Variants in ST18 observed in about 807,000 individuals in gnomAD.
ST18 encodes suppression of tumorigenicity 18 protein.
ST18 carries 50 observed loss-of-function variants against 110.0 expected under a neutral mutation model. The observed-to-expected ratio is 0.45, with a 90% CI of 0.36 to 0.58. The LOEUF (loss-of-function observed/expected upper bound fraction) is 0.58. Ranked by LOEUF, ST18 falls within the 20% of genes least tolerant of loss-of-function variation. ST18 has a pLI of 0.00. For synonymous variants in ST18, 461 were observed against 452.4 expected, an observed-to-expected ratio of 1.02 and a Z score of -0.24; for missense variants, 1,306 against 1,280.1, an observed-to-expected ratio of 1.02 and a Z score of -0.31.
In ST18 at chr8:52,276,816, G is replaced by C. The variant is rs537745548; in HGVS notation, c.-464-46739C>G. 1.5e-4 allele frequency among the ~76,000 whole-genome samples: 23 copies of C among 151,208 alleles called. No homozygotes were observed. In the East Asian group the frequency reaches 3.9e-3, roughly 26 times the overall value. On this transcript the variant is annotated intron_variant, in intron 2 of 25. Coordinates refer to ENST00000689386, the MANE Select transcript of ST18 (RefSeq NM_001352837.2). ...AGTTTTGCTCTTATCGTCCAGGCTG[G>C]AGTGCAGTGGTGCGATCTCGGCTCA...
At chr8:52,371,334 A>C (rs1333191083) in intron 2 of ST18, among the ~76,000 whole-genome samples, 1 of 152,258 alleles carries the variant, frequency 6.6e-6, no homozygotes, top group African/African-American at 2.4e-5. Flanking sequence ...AAAGTGGCCA[A>C]TAAATGGCAA....
chr8:52,224,876 C>T (rs953862046), intron 3 of ST18, among the ~76,000 whole-genome samples: 7 of 152,160 alleles, frequency 4.6e-5, no homozygotes, highest in African/African-American at 9.7e-5. Flanking sequence ...TTTCCATGGA[C>T]GAATTTAAAT....
At chr8:52,139,459 G>C (rs796948759) in intron 17 of ST18, among the ~76,000 whole-genome samples, 1 of 152,024 alleles carries the variant, frequency 6.6e-6, no homozygotes, top group Non-Finnish European at 1.5e-5. Context: ...GGGCTCAAGC[G>C]ATTCTCCTGC....
At chr8:52,165,377 G>A in intron 11 of ST18, 152 bp from the exon 12 acceptor site, 1 of 710,802 alleles carries the variant, frequency 1.4e-6, no homozygotes, top group Non-Finnish European at 2.3e-6. Context: ...AAGTGAGCAT[G>A]GAAGAACTTC....
At chr8:52,328,255 T>C (rs1328388661) in intron 2 of ST18, among the ~76,000 whole-genome samples, 3 of 152,184 alleles carry the variant, frequency 2.0e-5, no homozygotes, top group East Asian at 1.9e-4. Context: ...CCTAGAGTAA[T>C]AGGACCAGAA....
At chr8:52,130,994 A>G (rs2049345715) in intron 22 of ST18, among the ~76,000 whole-genome samples, 1 of 152,266 alleles carries the variant, frequency 6.6e-6, no homozygotes, top group Admixed American at 6.5e-5. Flanking sequence ...ACATAAGTCT[A>G]CATTTGAAAA....
At chr8:52,245,775 G>C (rs892380990) in intron 2 of ST18, among the ~76,000 whole-genome samples, 1 of 152,046 alleles carries the variant, frequency 6.6e-6, no homozygotes, top group Non-Finnish European at 1.5e-5. Flanking sequence ...TAGTTGCACT[G>C]TATAAATCAA....
At chr8:52,356,670 A>C (rs10097585) in intron 2 of ST18, among the ~76,000 whole-genome samples, 119,488 of 151,962 alleles carry the variant, frequency 0.79, 50,294 homozygotes, top group Non-Finnish European at 0.93. Flanking sequence ...GACTTACTAG[A>C]CAAAAACTTT....
At chr8:52,361,331 C>T (rs183457438) in intron 2 of ST18, among the ~76,000 whole-genome samples, 1 of 152,210 alleles carries the variant, frequency 6.6e-6, no homozygotes, top group Admixed American at 6.5e-5. Context: ...CTGATCACAC[C>T]ACAGTCTCCG....
chr8:52,128,249 G>A (rs35532278), intron 22 of ST18, among the ~76,000 whole-genome samples: 4,124 of 152,298 alleles, frequency 0.027, 173 homozygotes, highest in African/African-American at 0.094. Context: ...GATTACAGGC[G>A]TGATCCACGG....
At position 52,279,022 on chromosome 8, in the gene ST18, A is replaced by T. The variant is rs147136529; in HGVS notation, c.-464-48945T>A. 3.8e-3 allele frequency among the ~76,000 whole-genome samples: 585 copies of T among 152,352 alleles called. 3 individuals carry two copies. Among genetic ancestry groups the T allele is most frequent in the African/African-American group, 0.013 (559 of 41,590 alleles). On this transcript the variant is annotated intron_variant, in intron 2 of 25. Coordinates refer to ENST00000689386, the MANE Select transcript of ST18 (RefSeq NM_001352837.2). Reference sequence around the variant, plus strand: ...GTCTTTTAAAAGACAATAATAAATCAGAAAATAATTTTTTAAAAAATAATA... The same window carrying T: ...GTCTTTTAAAAGACAATAATAAATCTGAAAATAATTTTTTAAAAAATAATA...
intron 2 of ST18, among the ~76,000 whole-genome samples, chr8:52,390,002 T>C (rs1021830997): frequency 2.6e-5 from 4 of 152,114 alleles, no homozygotes; most frequent in Non-Finnish European, 5.9e-5. Flanking sequence ...CTTTACCACT[T>C]TCCTCTCTTG....
At chr8:52,147,916 C>T (rs1479300473) in intron 16 of ST18, among the ~76,000 whole-genome samples, 1 of 152,220 alleles carries the variant, frequency 6.6e-6, no homozygotes, top group Non-Finnish European at 1.5e-5. Flanking sequence ...TTGATCTCAT[C>T]ACAATTGTGC....
chr8:52,367,026 A>G (rs1564590832), intron 2 of ST18, among the ~76,000 whole-genome samples: 1 of 152,174 alleles, frequency 6.6e-6, no homozygotes, highest in East Asian at 1.9e-4. Context: ...TGAGGCCAGG[A>G]GTTTGAGACT....
chr8:52,273,228 C>T (rs1299992488), intron 2 of ST18, among the ~76,000 whole-genome samples: 1 of 152,148 alleles, frequency 6.6e-6, no homozygotes, highest in Non-Finnish European at 1.5e-5. Flanking sequence ...GCCTGAGTTG[C>T]AGTCTAAGCT....
intron 17 of ST18, among the ~76,000 whole-genome samples, chr8:52,141,565 G>A (rs1387794581): frequency 6.6e-6 from 1 of 152,122 alleles, no homozygotes; most frequent in African/African-American, 2.4e-5. Flanking sequence ...GTGGAGGGAA[G>A]TGAAGAAAAG....
intron 2 of ST18, among the ~76,000 whole-genome samples, chr8:52,282,458 A>C (rs73679031): frequency 0.062 from 9,429 of 152,162 alleles, 995 homozygotes; most frequent in African/African-American, 0.22. Context: ...TACTGTGGGC[A>C]ACGGGGGGTT....
At chr8:52,127,448 C>A (rs1384202947) in intron 22 of ST18, among the ~76,000 whole-genome samples, 1 of 152,170 alleles carries the variant, frequency 6.6e-6, no homozygotes, top group East Asian at 1.9e-4. Context: ...GTTTGCATGT[C>A]TGTCTTGTTT....
intron 8 of ST18, among the ~76,000 whole-genome samples, chr8:52,181,541 T>C (rs2069577179): frequency 6.6e-6 from 1 of 152,090 alleles, no homozygotes; most frequent in African/African-American, 2.4e-5. Flanking sequence ...GATTAAAAAG[T>C]ATAGAATTAA....
Sources: allele counts gnomAD v4.1 joint callset (sites outside exome capture counted in the v4.1 genomes callset), GRCh38; gene constraint gnomAD v4.1.1; transcripts MANE v1.5; gene names NCBI Gene and HGNC (gene_info 2026-07-23, HGNC 2026-07-21).